Variants in PHEX observed in about 807,000 individuals in gnomAD.
PHEX encodes phosphate-regulating neutral endopeptidase PHEX.
A neutral mutation model predicts 68.0 loss-of-function variants in PHEX; 16 were observed. That is an observed-to-expected ratio of 0.24 (90% CI 0.16 to 0.36). The LOEUF is 0.36. PHEX is among the 10% of genes least tolerant of loss of function. The pLI, the probability that PHEX is intolerant of heterozygous loss-of-function variation, is 1.00. For missense variants in PHEX, 480 were observed against 575.5 expected (o/e 0.83, Z 1.70); for synonymous variants, 208 against 205.1 (o/e 1.01, Z -0.12).
At chrX:22,113,943 C>CTTT (rs746349559) in intron 10 of PHEX, among the ~76,000 whole-genome samples, 808 of 63,867 alleles carry the variant, frequency 0.013, 14 homozygotes, top group East Asian at 0.036. Flanking sequence ...TCTTCTTCTT[C>CTTT]TTTTTTTTTT....
In PHEX at chrX:22,166,920, A is replaced by G. The variant is rs186222612; in HGVS notation, c.1405-1392A>G. ...TTTCACTTAGCATGAAGTCCTACAG[A>G]TTCATCCACGTTGTCACAAATGACA... On this transcript the variant is annotated intron_variant, in intron 12 of 21. Coordinates refer to ENST00000379374, the MANE Select transcript of PHEX (RefSeq NM_000444.6). 8.9e-5 allele frequency among the ~76,000 whole-genome samples: 10 copies of G among 112,079 alleles called. No individual in the cohort carries two copies. The East Asian group carries it at 2.8e-3, about 31-fold the overall frequency.
At chrX:22,134,363 G>C (rs1263865503) in intron 12 of PHEX, among the ~76,000 whole-genome samples, 1 of 112,478 alleles carries the variant, frequency 8.9e-6, no homozygotes, top group Non-Finnish European at 1.9e-5. Context: ...GGCTGAGGCA[G>C]GTGGATCACT....
intron 15 of PHEX, among the ~76,000 whole-genome samples, chrX:22,209,735 GCTCCCTCTGCTCCCTCTCCTCCCTCTC>G (rs1410484175): frequency 0.013 from 644 of 51,353 alleles, 8 homozygotes; most frequent in African/African-American, 0.035. Flanking sequence ...TGCTCCCTCT[GCTCCCTCTGCTCCCTCTCCTCCCTCTC>G]CTCCCTCTCC....
intron 9 of PHEX, among the ~76,000 whole-genome samples, chrX:22,106,778 CAAAAAA>C (rs10647092): frequency 7.5e-5 from 4 of 53,342 alleles, no homozygotes; most frequent in Non-Finnish European, 1.4e-4. Flanking sequence ...AACTCTGTCT[CAAAAAA>C]AAAAAAAAAA....
At chrX:22,240,798 A>T (rs1263043003) in intron 20 of PHEX, among the ~76,000 whole-genome samples, 2 of 111,322 alleles carry the variant, frequency 1.8e-5, no homozygotes, top group Admixed American at 9.5e-5. Flanking sequence ...TAGATTCCCA[A>T]ACAGTAACAG....
intron 18 of PHEX, among the ~76,000 whole-genome samples, chrX:22,224,991 A>ATGATTTATTATCATACAGCTC (rs1569433283): frequency 1.9e-5 from 2 of 107,144 alleles, no homozygotes; most frequent in African/African-American, 3.4e-5. Flanking sequence ...ACAGCTCTGT[A>ATGATTTATTATCATACAGCTC]TGTCAGAAGT....
At chrX:22,089,397 G>T (rs1929764545) in intron 5 of PHEX, among the ~76,000 whole-genome samples, 1 of 91,878 alleles carries the variant, frequency 1.1e-5, no homozygotes, top group African/African-American at 4.5e-5. Context: ...GGTGCTGAAA[G>T]TTTTTTTTGT....
In PHEX at chrX:22,051,760, T is replaced by C. The variant is rs184098021; in HGVS notation, c.349+4549T>C. On this transcript the variant is annotated intron_variant, in intron 3 of 21. Coordinates refer to ENST00000379374, the MANE Select transcript of PHEX (RefSeq NM_000444.6). ...GTATCATCCTCTACATATATACTTA[T>C]ATACTTTTATACACATGGGCAGATA... Among the ~76,000 whole-genome samples, 6 of 111,239 alleles carry C rather than the reference T, an allele frequency of 5.4e-5. No homozygotes were observed. The East Asian group carries it at 1.4e-3, about 26-fold the overall frequency.
Position 22,111,513 on chromosome X carries a change from C to G in PHEX, c.1126C>G (p.Pro376Ala). The change falls in exon 10 of 22, where the codon CCA (proline) becomes GCA (alanine). Residue 376 changes from proline to alanine, a missense_variant. Coordinates refer to ENST00000379374, the MANE Select transcript of PHEX (RefSeq NM_000444.6). The part of the protein sequence containing the change: ...LVWRMVYSRI[P>A]NLSRRFQYRW... ...GTGGAGAATGGTTTATTCCAGAATT[C>G]CAAACCTTAGCAGGCGCTTTCAGTA... The G allele has an allele frequency of 8.3e-7, 1 of 1,210,422 alleles. No individual in the cohort carries two copies.
At chrX:22,225,162 C>T (rs761592193) in intron 18 of PHEX, among the ~76,000 whole-genome samples, 2 of 107,482 alleles carry the variant, frequency 1.9e-5, no homozygotes, top group Non-Finnish European at 3.9e-5. Flanking sequence ...CAGCACTGGC[C>T]GGTGGAGTCT....
chrX:22,230,223 T>G (rs1460058803), intron 20 of PHEX, among the ~76,000 whole-genome samples: 3 of 94,067 alleles, frequency 3.2e-5, no homozygotes, highest in African/African-American at 1.2e-4. Flanking sequence ...TTTGGCTATA[T>G]GGGCTCTTTT....
Position 22,047,107 on chromosome X carries a change from G to T in PHEX, c.245G>T (p.Arg82Leu), listed in dbSNP as rs769541316. 10 of 1,206,751 alleles carry T rather than the reference G, an allele frequency of 8.3e-6. No individual in the cohort carries two copies. Among genetic ancestry groups the T allele is most frequent in the Non-Finnish European group, 1.0e-5 (9 of 891,183 alleles). The change falls in exon 3 of 22, where the codon CGG (arginine) becomes CTG (leucine). Residue 82 changes from arginine (R) to leucine (L), a missense_variant. Transcript: ENST00000379374. ...GTGGATCCTTGTGATAATTTCTTCC[G>T]GTTCGCTTGTGATGGCTGGATAAGC... Reference protein sequence around the residue: ...LSVDPCDNFFRFACDGWISNN... With the variant: ...LSVDPCDNFFLFACDGWISNN...
chrX:22,179,897 A>AT (rs905040909), intron 14 of PHEX, among the ~76,000 whole-genome samples: 28 of 108,523 alleles, frequency 2.6e-4, no homozygotes, highest in African/African-American at 9.1e-4. Flanking sequence ...AAATTAATTA[A>AT]TTTTTTTTTA....
At chrX:22,172,008 T>TA (rs1192166154) in intron 13 of PHEX, 1 of 111,846 alleles carries the variant, frequency 8.9e-6, no homozygotes, top group Non-Finnish European at 1.9e-5. Flanking sequence ...CATGTGGAAA[T>TA]AAAAGCAAAT....
chrX:22,213,391 A>G (rs1168259305), intron 16 of PHEX, among the ~76,000 whole-genome samples: 1 of 111,909 alleles, frequency 8.9e-6, no homozygotes, highest in Non-Finnish European at 1.9e-5. Flanking sequence ...GGAAAAGAAG[A>G]TTGAGGTTTG....
At chrX:22,144,851 C>T (rs1932619107) in intron 12 of PHEX, among the ~76,000 whole-genome samples, 1 of 110,950 alleles carries the variant, frequency 9.0e-6, no homozygotes, top group South Asian at 3.9e-4. Flanking sequence ...AAGAGTACCG[C>T]CTCTCCATCC....
chrX:22,098,979 A>G, intron 8 of PHEX, 27 bp from the exon 9 acceptor site: 1 of 1,200,158 alleles, frequency 8.3e-7, no homozygotes, highest in Non-Finnish European at 1.1e-6. Context: ...AGATTCTCTC[A>G]TTCTGTTTTG....
rs747180101 is a variant in PHEX, at chrX:22,168,388, C to A, written c.1481C>A (p.Ala494Asp). The A allele has an allele frequency of 1.8e-6, 2 of 1,141,085 alleles. No individual in the cohort carries two copies. Among genetic ancestry groups the A allele is most frequent in the South Asian group, 1.8e-5 (1 of 55,353 alleles). The allele number at this position is 1,141,085 out of a possible 1,213,427, so 94.0% of individuals were successfully genotyped here. Residue 494 changes from alanine to aspartate, a missense_variant and splice_region_variant, in exon 13 of 22, where the codon GCT (alanine) becomes GAT (aspartate). Transcript: ENST00000379374. The part of the protein sequence containing the change: ...NDTHVNEDLK[A>D]IKFSEADYFG... ...ACTCATGTTAATGAAGACCTCAAAG[C>A]TGTAAGTGCTAAATTTACTGTACTT...
intron 9 of PHEX, among the ~76,000 whole-genome samples, chrX:22,106,623 A>G (rs1930703291): frequency 9.1e-6 from 1 of 110,444 alleles, no homozygotes; most frequent in African/African-American, 3.3e-5. Context: ...TACAAAAAAA[A>G]ATGTGCTGAG....
Sources: allele counts gnomAD v4.1 joint callset (sites outside exome capture counted in the v4.1 genomes callset), GRCh38; gene constraint gnomAD v4.1.1; transcripts MANE v1.5; gene names NCBI Gene and HGNC (gene_info 2026-07-23, HGNC 2026-07-21).